The following DLG2 variants were observed in gnomAD, a reference collection of about 807,000 sequenced individuals.
DLG2 encodes disks large homolog 2.
A neutral mutation model predicts 132.5 loss-of-function variants in DLG2; 45 were observed. That is an observed-to-expected ratio of 0.34 (90% CI 0.27 to 0.44). The LOEUF is 0.44. Ranked by LOEUF, DLG2 falls within the 20% of genes least tolerant of loss-of-function variation. DLG2 has a pLI of 1.00. For synonymous variants in DLG2, 424 were observed against 419.6 expected (o/e 1.01, Z -0.13); for missense variants, 1,045 against 1,196.9 (o/e 0.87, Z 1.87).
chr11:84,577,948 G>GC (rs2099506467), intron 6 of DLG2, among the ~76,000 whole-genome samples: 1 of 152,146 alleles, frequency 6.6e-6, no homozygotes, highest in South Asian at 2.1e-4. Flanking sequence ...GGGATTTGGT[G>GC]CCCTGTGTCC....
chr11:83,620,802 G>A (rs1398709821), intron 19 of DLG2, among the ~76,000 whole-genome samples: 4 of 142,892 alleles, frequency 2.8e-5, no homozygotes, highest in South Asian at 2.2e-4. Flanking sequence ...CCCAGGAGGC[G>A]GAGCTTGCAG....
chr11:84,388,357 C>G (rs1397031673), intron 7 of DLG2, among the ~76,000 whole-genome samples: 1 of 151,814 alleles, frequency 6.6e-6, no homozygotes, highest in Non-Finnish European at 1.5e-5. Flanking sequence ...TAATAATTTT[C>G]CAAATTGCCT....
intron 6 of DLG2, among the ~76,000 whole-genome samples, chr11:85,103,374 C>CACA (rs2071191636): frequency 6.6e-6 from 1 of 151,908 alleles, no homozygotes; most frequent in Admixed American, 6.6e-5. Context: ...CTACCATAAT[C>CACA]AAGACAGTGT....
At chr11:83,665,682 C>T (rs1273075835) in intron 18 of DLG2, among the ~76,000 whole-genome samples, 2 of 152,194 alleles carry the variant, frequency 1.3e-5, no homozygotes, top group East Asian at 1.9e-4. Flanking sequence ...CAAACCATTC[C>T]GTATGTTCTA....
At chr11:85,344,674 C>T (rs901081211) in intron 3 of DLG2, among the ~76,000 whole-genome samples, 10 of 152,200 alleles carry the variant, frequency 6.6e-5, no homozygotes, top group South Asian at 6.2e-4. Flanking sequence ...ATTGTATTTT[C>T]ATAATTTCTC....
At chr11:84,953,980 C>T (rs529840505) in intron 6 of DLG2, among the ~76,000 whole-genome samples, 1 of 152,186 alleles carries the variant, frequency 6.6e-6, no homozygotes, top group South Asian at 2.1e-4. Flanking sequence ...CTTCCATGAA[C>T]ACCATTTTCT....
intron 14 of DLG2, among the ~76,000 whole-genome samples, chr11:83,956,925 A>T (rs116512711): frequency 0.017 from 2,629 of 152,312 alleles, 79 homozygotes; most frequent in African/African-American, 0.059. Context: ...TGGGTACTTA[A>T]GTGTACCTTG....
intron 3 of DLG2, among the ~76,000 whole-genome samples, chr11:85,477,152 G>A (rs1054566087): frequency 2.0e-5 from 3 of 152,028 alleles, no homozygotes; most frequent in Non-Finnish European, 4.4e-5. Context: ...TCACCAAAAC[G>A]TCATTATGGA....
At chr11:85,485,489 T>G (rs58107036) in intron 3 of DLG2, among the ~76,000 whole-genome samples, 6 of 152,198 alleles carry the variant, frequency 3.9e-5, no homozygotes, top group Admixed American at 2.0e-4. Flanking sequence ...GGAACCAGAA[T>G]AGTAAATAAA....
At chr11:83,512,902 G>A (rs2140014318) in intron 21 of DLG2, among the ~76,000 whole-genome samples, 1 of 152,266 alleles carries the variant, frequency 6.6e-6, no homozygotes, top group South Asian at 2.1e-4. Context: ...TGGTGTATAT[G>A]TGCCACATTT....
intron 10 of DLG2, among the ~76,000 whole-genome samples, chr11:84,077,280 A>G (rs543140586): frequency 1.3e-5 from 2 of 152,304 alleles, no homozygotes; most frequent in South Asian, 4.1e-4. Context: ...GTTTCCTCAC[A>G]AAGCCCCTAC....
At chr11:83,526,236 T>C (rs944026412) in intron 21 of DLG2, among the ~76,000 whole-genome samples, 2 of 152,220 alleles carry the variant, frequency 1.3e-5, no homozygotes. Flanking sequence ...TAGTCCTCTC[T>C]GATCTCTTTA....
intron 26 of DLG2, among the ~76,000 whole-genome samples, chr11:83,464,695 C>T (rs1206281998): frequency 6.6e-6 from 1 of 152,214 alleles, no homozygotes; most frequent in African/African-American, 2.4e-5. Flanking sequence ...AGGCAGTAGA[C>T]CTTCTCCTAT....
In DLG2 at chr11:85,542,010, AG is replaced by A. The variant is rs1397312515; in HGVS notation, c.40+56646del. The stretch of plus-strand genomic sequence containing the variant: ...ACACCTGAAGTAATTTAGAAGAGTA[AG>A]GGGGAAAAAAATCTGTAACTGGTTT... On this transcript the variant is annotated intron_variant, in intron 3 of 27. Coordinates refer to ENST00000376104, the MANE Select transcript of DLG2 (RefSeq NM_001142699.3). Among the ~76,000 whole-genome samples the A allele has an allele frequency of 2.6e-5, 4 of 152,312 alleles. No homozygotes were observed. The East Asian group carries it at 7.7e-4, about 29-fold the overall frequency.
At chr11:84,111,028 A>G (rs1027326207) in intron 9 of DLG2, among the ~76,000 whole-genome samples, 7 of 152,152 alleles carry the variant, frequency 4.6e-5, no homozygotes, top group African/African-American at 1.7e-4. Flanking sequence ...TTCCTCCTCT[A>G]TATAATTCTC....
chr11:85,523,567 A>C (rs1372081516), intron 3 of DLG2, among the ~76,000 whole-genome samples: 2 of 152,224 alleles, frequency 1.3e-5, no homozygotes, highest in Non-Finnish European at 2.9e-5. Flanking sequence ...TTTATCCAAA[A>C]GACAGGCAAT....
chr11:84,326,533 A>G (rs1234172684), intron 7 of DLG2, among the ~76,000 whole-genome samples: 3 of 152,008 alleles, frequency 2.0e-5, no homozygotes, highest in African/African-American at 7.2e-5. Context: ...AAATTTTCCA[A>G]TTTCTCTTCA....
At chr11:85,166,697 T>A (rs2078477459) in intron 4 of DLG2, among the ~76,000 whole-genome samples, 1 of 152,154 alleles carries the variant, frequency 6.6e-6, no homozygotes, top group African/African-American at 2.4e-5. Flanking sequence ...TCTTCTCCAT[T>A]CAAGCAGATT....
At chr11:85,418,435 A>T (rs1309698775) in intron 3 of DLG2, among the ~76,000 whole-genome samples, 2 of 152,012 alleles carry the variant, frequency 1.3e-5, no homozygotes, top group East Asian at 1.9e-4. Flanking sequence ...TGGGGTGGAG[A>T]GTTTTTTAGA....
Sources: gnomAD v4.1 joint callset for allele counts (sites outside exome capture counted in the v4.1 genomes callset) on GRCh38, gnomAD v4.1.1 for gene constraint, MANE v1.5 for transcripts, NCBI Gene and HGNC (gene_info 2026-07-23, HGNC 2026-07-21) for gene names.